The following MDN1 variants were observed in gnomAD, a reference collection of about 807,000 sequenced individuals.
The protein encoded by MDN1 is midasin.
Under a neutral mutation model 669.2 loss-of-function variants are expected in MDN1, and 266 were observed. The observed-to-expected ratio is 0.40, with a 90% CI of 0.36 to 0.44. The LOEUF is 0.44. Among genes scored for constraint, MDN1 ranks in the 20% least tolerant of loss-of-function variants. The pLI is 1.00. For synonymous variants in MDN1, 2,385 were observed against 2,457.1 expected, an observed-to-expected ratio of 0.97 and a Z score of 0.87; for missense variants, 5,940 against 6,754.0, an observed-to-expected ratio of 0.88 and a Z score of 4.22.
chr6:89,722,067 G>GT lies in MDN1; in HGVS notation c.5967+887dup, dbSNP rs1251235776. Among the ~76,000 whole-genome samples, 9 of 152,324 alleles carry GT rather than the reference G, an allele frequency of 5.9e-5. No homozygotes were observed. The South Asian group carries it at 1.5e-3, about 25-fold the overall frequency. ...AACTTTAAGCCTTGGATCTTCACCTGTAAGATGCCATGACAGCACCTCCTG... is the reference window on the plus strand; with the variant it reads ...AACTTTAAGCCTTGGATCTTCACCTGTTAAGATGCCATGACAGCACCTCCTG... On this transcript the variant is annotated intron_variant, in intron 40 of 101. Coordinates refer to ENST00000369393, the MANE Select transcript of MDN1 (RefSeq NM_014611.3).
At chr6:89,769,758 C>T (rs1403437342) in intron 15 of MDN1, among the ~76,000 whole-genome samples, 1 of 152,198 alleles carries the variant, frequency 6.6e-6, no homozygotes, top group Non-Finnish European at 1.5e-5. Flanking sequence ...CATCAATTTG[C>T]ATCACAAATG....
chr6:89,656,529 G>T (rs1407745669), intron 91 of MDN1, among the ~76,000 whole-genome samples, 171 bp downstream of exon 91: 1 of 152,034 alleles, frequency 6.6e-6, no homozygotes, highest in African/African-American at 2.4e-5. Flanking sequence ...GATCCCACTG[G>T]GTAAACCCCA....
intron 33 of MDN1, 115 bp from the exon 34 acceptor site, chr6:89,732,890 G>A (rs1584284789): frequency 2.5e-6 from 2 of 811,344 alleles, no homozygotes; most frequent in East Asian, 5.3e-5. Flanking sequence ...TCTAAGCAAA[G>A]TTCTGTGAAT....
In MDN1 at chr6:89,775,180, A is replaced by T. The variant is rs112322938; in HGVS notation, c.1822-447T>A. 5.7e-3 allele frequency among the ~76,000 whole-genome samples: 875 copies of T among 152,324 alleles called. 9 individuals carry two copies. The highest frequency in any genetic ancestry group is 0.02 in the African/African-American group (831 of 41,586). On this transcript the variant is annotated intron_variant, in intron 12 of 101. Transcript: ENST00000369393. ...AGATGCTCCTGGATGTCTACCCAACAGCCATTCCTCTCTTCTCCAAAGAAC... is the reference window on the plus strand; with the variant it reads ...AGATGCTCCTGGATGTCTACCCAACTGCCATTCCTCTCTTCTCCAAAGAAC...
In MDN1 at chr6:89,819,440, C is replaced by A. The variant is rs1433828412; in HGVS notation, c.102+66G>T. The A allele has an allele frequency of 8.6e-6, 12 of 1,399,310 alleles. No individual in the cohort carries two copies. The Admixed American group carries it at 1.6e-4, about 18-fold the overall frequency. The allele number at this position is 1,399,310 out of a possible 1,614,324, so 86.7% of individuals were successfully genotyped here. On this transcript the variant is annotated intron_variant, in intron 1 of 101. Coordinates refer to ENST00000369393, the MANE Select transcript of MDN1 (RefSeq NM_014611.3). ...AAAGCGGCGAGTATCGGCGGGGGAG[C>A]GCAGGAAGCTTACTAGTGGGGCGAC...
chr6:89,677,528 C>T (rs1318480793), intron 76 of MDN1, 42 bp downstream of exon 76: 1 of 1,608,698 alleles, frequency 6.2e-7, no homozygotes, highest in Admixed American at 1.7e-5. Context: ...ATTACTTGCT[C>T]CATTTATAAG....
chr6:89,678,463 A>G, intron 75 of MDN1, 136 bp downstream of exon 75: 1 of 933,742 alleles, frequency 1.1e-6, no homozygotes, highest in Non-Finnish European at 1.6e-6. Flanking sequence ...ACTCTTAGAC[A>G]TCTGGAAACC....
At chr6:89,728,828 G>A (rs1211055914) in intron 36 of MDN1, 103 bp downstream of exon 36, 5 of 1,216,036 alleles carry the variant, frequency 4.1e-6, no homozygotes, top group Middle Eastern at 2.8e-4. Context: ...AGAAAAATTT[G>A]AGGATACTGA....
In MDN1 at chr6:89,678,561, G is replaced by A. The variant is rs375447351; in HGVS notation, c.12412+38C>T. 22 of 1,602,178 alleles carry A rather than the reference G, an allele frequency of 1.4e-5. No homozygotes were observed. The African/African-American group carries it at 2.8e-4, about 21-fold the overall frequency. ...ATGTCATTTCTCTCCCTAAAAGTTG[G>A]TGACTACATTTCATTGGGTTTCAAG... On this transcript the variant is annotated intron_variant, in intron 75 of 101. Coordinates refer to ENST00000369393, the MANE Select transcript of MDN1 (RefSeq NM_014611.3).
chr6:89,668,278 T>C, intron 83 of MDN1, 127 bp from the exon 84 acceptor site: 3 of 1,198,290 alleles, frequency 2.5e-6, no homozygotes, highest in Non-Finnish European at 3.5e-6. Context: ...TTATCTTAAA[T>C]CCGCTGGAAG....
Position 89,780,206 on chromosome 6 carries a change from T to C in MDN1, c.1725+6A>G. ...AGACAAAAAAGACTGGAAAACTATA[T>C]CTTACCTCTTGAAAAATATTTAATG... On this transcript the variant is annotated splice_donor_region_variant and intron_variant, in intron 11 of 101. Coordinates refer to ENST00000369393, the MANE Select transcript of MDN1 (RefSeq NM_014611.3). The C allele has an allele frequency of 6.6e-7, 1 of 1,524,188 alleles. No homozygotes were observed. The highest frequency in any genetic ancestry group is 8.9e-7 in the Non-Finnish European group (1 of 1,126,200). 94.4% of individuals were successfully genotyped at this position (1,524,188 alleles called of 1,614,324 possible). A position where few individuals can be genotyped will look rare whatever the true frequency, so the allele number is the denominator to read the frequency against.
intron 78 of MDN1, among the ~76,000 whole-genome samples, chr6:89,674,958 G>A (rs1224275102): frequency 3.3e-5 from 5 of 152,164 alleles, no homozygotes; most frequent in Non-Finnish European, 5.9e-5. Flanking sequence ...AACAGATGAC[G>A]ACAACCTTCC....
intron 1 of MDN1, among the ~76,000 whole-genome samples, chr6:89,810,981 T>G (rs563503004): frequency 6.6e-6 from 1 of 152,240 alleles, no homozygotes; most frequent in South Asian, 2.1e-4. Flanking sequence ...AGAGAAACAG[T>G]CATATTGATT....
intron 55 of MDN1, 57 bp from the exon 56 acceptor site, chr6:89,700,913 G>C (rs1227813780): frequency 2.1e-6 from 3 of 1,439,608 alleles, no homozygotes; most frequent in African/African-American, 2.8e-5. Context: ...GTTTTCTTTA[G>C]TAGCCTATAC....
chr6:89,713,084 T>C (rs1814067280), intron 47 of MDN1, 64 bp downstream of exon 47: 4 of 1,540,772 alleles, frequency 2.6e-6, no homozygotes, highest in Non-Finnish European at 2.6e-6. Context: ...TTAAAAATAA[T>C]TTCCTCGTAC....
rs1809819566 is a variant in MDN1, at chr6:89,662,115, T to C, written c.14537A>G (p.Glu4846Gly). 6.2e-7 allele frequency: 1 copy of C among 1,612,734 alleles called. No individual in the cohort carries two copies. The highest frequency in any genetic ancestry group is 1.1e-5 in the South Asian group (1 of 90,688). Reference sequence around the variant, plus strand: ...ATCTATTTGTTCATTAATTTTGTCTTCACCTTGTCCACCATCATCAGCTTC... The same window carrying C: ...ATCTATTTGTTCATTAATTTTGTCTCCACCTTGTCCACCATCATCAGCTTC... ...EAEADDGGQG[E>G]DKINEQIDER... Residue 4846 changes from glutamate (E) to glycine (G), a missense_variant, in exon 87 of 102, where the codon GAA becomes GGA. Physicochemically the swap from Glu to Gly is moderately conservative, Grantham distance 98. Transcript: ENST00000369393.
intron 23 of MDN1, among the ~76,000 whole-genome samples, chr6:89,750,880 G>A (rs1048728928): frequency 6.6e-6 from 1 of 151,400 alleles, no homozygotes; most frequent in African/African-American, 2.4e-5. Flanking sequence ...TGGGATTACA[G>A]GCATGAGCCA....
At chr6:89,758,467 C>A (rs1336960425) in intron 18 of MDN1, 116 bp from the exon 19 acceptor site, 4 of 831,284 alleles carry the variant, frequency 4.8e-6, no homozygotes, top group Non-Finnish European at 7.6e-6. Flanking sequence ...TTTCTGAAAC[C>A]CCACTGAAAT....
At chr6:89,819,424 A>G in intron 1 of MDN1, 82 bp downstream of exon 1, 1 of 1,295,144 alleles carries the variant, frequency 7.7e-7, no homozygotes, top group Non-Finnish European at 1.1e-6. Context: ...TAAAGCGGCG[A>G]GTATCGGCGG....
Sources: gnomAD v4.1 joint callset for allele counts (sites outside exome capture counted in the v4.1 genomes callset) on GRCh38, gnomAD v4.1.1 for gene constraint, MANE v1.5 for transcripts, NCBI Gene and HGNC (gene_info 2026-07-23, HGNC 2026-07-21) for gene names.